Variants in LRRK2 observed in about 807,000 individuals in gnomAD.
LRRK2 encodes the protein leucine rich repeat kinase 2.
A neutral mutation model predicts 302.6 loss-of-function variants in LRRK2; 203 were observed. The observed-to-expected ratio is 0.67, with a 90% CI of 0.60 to 0.75. The LOEUF (loss-of-function observed/expected upper bound fraction) is 0.75, where lower values mean the gene tolerates loss of function less well. Among genes scored for constraint, LRRK2 ranks in the 30% least tolerant of loss-of-function variants. The pLI is 0.00. For synonymous variants in LRRK2, 1,066 were observed against 1,031.9 expected (o/e 1.03, Z -0.63); for missense variants, 2,830 against 2,951.0 (o/e 0.96, Z 0.95).
At position 40,328,447 on chromosome 12, in the gene LRRK2, G is replaced by A. The variant is rs1225568930; in HGVS notation, c.5744G>A (p.Arg1915Lys). The change falls in exon 39 of 51, where the codon AGG becomes AAG. Residue 1915 changes from arginine to lysine, a missense_variant. Coordinates refer to ENST00000298910, the MANE Select transcript of LRRK2 (RefSeq NM_198578.4). The stretch of plus-strand genomic sequence containing the variant: ...ATTTTTAATAAACATACATCACTCA[G>A]GCTGTTAAGACAAGTAAGAAATTCA... ...VKIFNKHTSL[R>K]LLRQELVVLC... is the part of the protein sequence containing the mutation. The A allele has an allele frequency of 6.2e-7, 1 of 1,609,220 alleles. No homozygotes were observed. The highest frequency in any genetic ancestry group is 8.5e-7 in the Non-Finnish European group (1 of 1,176,268).
intron 18 of LRRK2, among the ~76,000 whole-genome samples, chr12:40,280,189 A>G (rs555581975): frequency 3.3e-5 from 5 of 152,302 alleles, no homozygotes; most frequent in Non-Finnish European, 7.4e-5. Flanking sequence ...GGTGGCTCAC[A>G]TCTGTAATCC....
chr12:40,289,359 T>G (rs1451248991), intron 20 of LRRK2, among the ~76,000 whole-genome samples: 1 of 151,618 alleles, frequency 6.6e-6, no homozygotes, highest in Non-Finnish European at 1.5e-5. Flanking sequence ...TGGTGTTCTT[T>G]TAAAAAAAAT....
chr12:40,336,868 C>T (rs1357104789), intron 40 of LRRK2, among the ~76,000 whole-genome samples: 1 of 152,110 alleles, frequency 6.6e-6, no homozygotes. Context: ...CTAGTTTTTC[C>T]CTAATTCTTC....
chr12:40,367,903 A>T lies in LRRK2; in HGVS notation c.*138A>T. On this transcript the variant is annotated 3_prime_UTR_variant, in exon 51 of 51. Transcript: ENST00000298910. ...TGTATGAAGGAATGTTATTATTTTTAATTTAAATATATGTAAAAATACTTA... is the reference window on the plus strand; with the variant it reads ...TGTATGAAGGAATGTTATTATTTTTTATTTAAATATATGTAAAAATACTTA... 1.5e-6 allele frequency: 1 copy of T among 652,656 alleles called. No homozygotes were observed. The highest frequency in any genetic ancestry group is 2.4e-6 in the Non-Finnish European group (1 of 416,562). 40.4% of individuals were successfully genotyped at this position (652,656 alleles called of 1,614,324 possible).
chr12:40,281,573 C>A (rs1943698772), intron 18 of LRRK2, among the ~76,000 whole-genome samples: 1 of 152,134 alleles, frequency 6.6e-6, no homozygotes, highest in East Asian at 1.9e-4. Context: ...TATCTGTGAG[C>A]AGTAGTATTT....
intron 20 of LRRK2, among the ~76,000 whole-genome samples, chr12:40,287,753 T>TG (rs1251335209): frequency 6.6e-6 from 1 of 151,884 alleles, no homozygotes; most frequent in Non-Finnish European, 1.5e-5. Flanking sequence ...AATTGGTTAA[T>TG]GGTTAATATT....
rs763572167 is a variant in LRRK2 at position 40,283,829 on chromosome 12, A to C, written c.2242-46A>C. On this transcript the variant is annotated intron_variant, in intron 18 of 50. Coordinates refer to ENST00000298910, the MANE Select transcript of LRRK2 (RefSeq NM_198578.4). Reference sequence around the variant, plus strand: ...TTGATTTGCCAGTCTCCTAAAAGGAAGAAAAATGTAGATTTTTAATATACT... The same window carrying C: ...TTGATTTGCCAGTCTCCTAAAAGGACGAAAAATGTAGATTTTTAATATACT... 4.6e-6 allele frequency: 7 copies of C among 1,531,452 alleles called. No individual in the cohort carries two copies. The Admixed American group carries it at 1.2e-4, about 27-fold the overall frequency. 94.9% of individuals were successfully genotyped at this position (1,531,452 alleles called of 1,614,324 possible). A position where few individuals can be genotyped will look rare whatever the true frequency, so the allele number is the denominator to read the frequency against.
chr12:40,268,141 C>T (rs890065349), intron 14 of LRRK2, among the ~76,000 whole-genome samples: 2 of 152,158 alleles, frequency 1.3e-5, no homozygotes, highest in African/African-American at 4.8e-5. Flanking sequence ...GACTTTGTCA[C>T]CTGTTCCAGA....
chr12:40,300,221 G>A (rs1944574737), intron 25 of LRRK2, among the ~76,000 whole-genome samples: 2 of 152,106 alleles, frequency 1.3e-5, no homozygotes, highest in South Asian at 4.1e-4. Flanking sequence ...TGCTTTGCAA[G>A]ACATTATAAT....
intron 34 of LRRK2, among the ~76,000 whole-genome samples, chr12:40,320,575 T>G (rs548352007): frequency 6.6e-6 from 1 of 152,174 alleles, no homozygotes; most frequent in East Asian, 1.9e-4. Context: ...GGCATCACAA[T>G]GGATGCCTAT....
intron 49 of LRRK2, 31 bp downstream of exon 49, chr12:40,365,081 A>G (rs1330031680): frequency 2.5e-6 from 4 of 1,574,540 alleles, no homozygotes; most frequent in East Asian, 2.2e-5. Flanking sequence ...TATTTTTCAT[A>G]TTCTCTAAGT....
intron 2 of LRRK2, among the ~76,000 whole-genome samples, chr12:40,231,695 T>C (rs929982604): frequency 1.3e-5 from 2 of 148,158 alleles, no homozygotes; most frequent in Non-Finnish European, 3.0e-5. Flanking sequence ...TATTTTGCCT[T>C]ATTTAGACAA....
Position 40,253,016 on chromosome 12 carries a change from G to A in LRRK2, c.1288G>A (p.Val430Ile), listed in dbSNP as rs878853305. ...NALSTLLEQN[V>I]NFRKILLSKG... is the part of the protein sequence containing the mutation. ...ATTGTCAACTCTCTTAGAACAAAATGGTAAGCAGTGGGCCATGTTTTCAAA... is the reference window on the plus strand; with the variant it reads ...ATTGTCAACTCTCTTAGAACAAAATAGTAAGCAGTGGGCCATGTTTTCAAA... Residue 430 changes from valine to isoleucine, a missense_variant and splice_region_variant, in exon 11 of 51, where the codon GTT becomes ATT. Transcript: ENST00000298910. 7 of 1,590,382 alleles carry A rather than the reference G, an allele frequency of 4.4e-6. No individual in the cohort carries two copies. Among genetic ancestry groups the A allele is most frequent in the Non-Finnish European group, 6.0e-6 (7 of 1,158,752 alleles).
At chr12:40,275,434 C>T (rs1481159730) in intron 16 of LRRK2, among the ~76,000 whole-genome samples, 2 of 152,030 alleles carry the variant, frequency 1.3e-5, no homozygotes. Flanking sequence ...AAATTTAAAA[C>T]ATGATATATA....
chr12:40,272,017 A>T (rs1943248219), intron 14 of LRRK2, among the ~76,000 whole-genome samples: 1 of 152,194 alleles, frequency 6.6e-6, no homozygotes, highest in African/African-American at 2.4e-5. Flanking sequence ...GCATAAAAAT[A>T]AGCCTATGAT....
At chr12:40,327,474 C>G (rs1183697928) in intron 38 of LRRK2, among the ~76,000 whole-genome samples, 1 of 152,056 alleles carries the variant, frequency 6.6e-6, no homozygotes, top group Admixed American at 6.6e-5. Context: ...ACTATTCAGC[C>G]AGGACTGGGG....
In LRRK2 at chr12:40,314,062, A is replaced by T. The variant is rs201540075; in HGVS notation, c.4627A>T (p.Ile1543Phe). The change falls in exon 32 of 51, where the codon ATT becomes TTT. Residue 1543 changes from isoleucine (I) to phenylalanine (F), a missense_variant. Coordinates refer to ENST00000298910, the MANE Select transcript of LRRK2 (RefSeq NM_198578.4). ...TTTATCGGAGCGTAAAAATGTGCCA[A>T]TTGAATTTCCCGTAATTGACCGGAA... ...IILSERKNVP[I>F]EFPVIDRKRL... The T allele has an allele frequency of 6.2e-7, 1 of 1,612,696 alleles. No homozygotes were observed. The highest frequency in any genetic ancestry group is 8.5e-7 in the Non-Finnish European group (1 of 1,179,020).
At chr12:40,272,414 AT>A (rs1943268905) in intron 14 of LRRK2, among the ~76,000 whole-genome samples, 1 of 152,156 alleles carries the variant, frequency 6.6e-6, no homozygotes. Flanking sequence ...CTGTGTCACA[AT>A]TTTTTTCATC....
chr12:40,352,398 A>T (rs1024458817), intron 44 of LRRK2, among the ~76,000 whole-genome samples: 1 of 151,686 alleles, frequency 6.6e-6, no homozygotes, highest in African/African-American at 2.4e-5. Context: ...GACTTCAAAG[A>T]CAACCTAGTA....
Sources: allele counts gnomAD v4.1 joint callset (sites outside exome capture counted in the v4.1 genomes callset), GRCh38; gene constraint gnomAD v4.1.1; transcripts MANE v1.5; gene names NCBI Gene and HGNC (gene_info 2026-07-23, HGNC 2026-07-21).